The following CDC42BPA variants were observed in gnomAD, a reference collection of about 807,000 sequenced individuals.
CDC42BPA encodes the protein serine/threonine-protein kinase MRCK alpha.
In CDC42BPA, 80 loss-of-function variants were observed where a neutral mutation model predicts 223.5. The ratio of observed to expected loss-of-function variants is 0.36; its 90% confidence interval spans 0.30 to 0.43. CDC42BPA has a LOEUF of 0.43. Ranked by LOEUF, CDC42BPA falls within the 20% of genes least tolerant of loss-of-function variation. The pLI is 1.00. For missense variants in CDC42BPA, 1,743 were observed against 2,099.9 expected, an observed-to-expected ratio of 0.83 and a Z score of 3.32; for synonymous variants, 694 against 718.6, an observed-to-expected ratio of 0.97 and a Z score of 0.55.
At chr1:227,231,297 T>G (rs1306201004) in intron 2 of CDC42BPA, among the ~76,000 whole-genome samples, 1 of 152,074 alleles carries the variant, frequency 6.6e-6, no homozygotes, top group Non-Finnish European at 1.5e-5. Flanking sequence ...TCCACGTCCC[T>G]ACAAAGGACA....
At chr1:227,151,288 T>C (rs527496924) in intron 6 of CDC42BPA, among the ~76,000 whole-genome samples, 1 of 152,356 alleles carries the variant, frequency 6.6e-6, no homozygotes, top group East Asian at 1.9e-4. Context: ...TTCATTAACA[T>C]AATGTCCTAA....
chr1:227,240,924 A>G (rs1490614508), intron 2 of CDC42BPA, among the ~76,000 whole-genome samples: 6 of 152,062 alleles, frequency 3.9e-5, no homozygotes, highest in African/African-American at 1.4e-4. Flanking sequence ...TCTAAACGAT[A>G]ATTTTTTTAA....
intron 2 of CDC42BPA, among the ~76,000 whole-genome samples, chr1:227,227,500 A>C (rs79369385): frequency 0.098 from 14,964 of 152,306 alleles, 873 homozygotes; most frequent in Middle Eastern, 0.17. Flanking sequence ...AGATACATTG[A>C]ATTACTTTCC....
At chr1:227,052,351 C>A (rs759989903) in intron 21 of CDC42BPA, among the ~76,000 whole-genome samples, 1 of 152,046 alleles carries the variant, frequency 6.6e-6, no homozygotes, top group African/African-American at 2.4e-5. Flanking sequence ...GAGATACATA[C>A]GGCAGATTAA....
At chr1:227,173,313 G>A (rs1666410709) in intron 5 of CDC42BPA, among the ~76,000 whole-genome samples, 1 of 152,150 alleles carries the variant, frequency 6.6e-6, no homozygotes, top group African/African-American at 2.4e-5. Flanking sequence ...TCTGTATAGT[G>A]AAGGCCTAAT....
chr1:227,034,869 G>T, intron 25 of CDC42BPA, 75 bp from the exon 26 acceptor site: 33 of 1,294,658 alleles, frequency 2.5e-5, no homozygotes, highest in Non-Finnish European at 3.4e-5. Flanking sequence ...ATATGTAATT[G>T]CATGGTGAAG....
At chr1:227,080,627 T>C (rs1181720645) in intron 17 of CDC42BPA, among the ~76,000 whole-genome samples, 1 of 152,190 alleles carries the variant, frequency 6.6e-6, no homozygotes. Flanking sequence ...GGTAACATTT[T>C]CTTAGAAAGT....
At chr1:227,112,158 G>A (rs762742939) in intron 14 of CDC42BPA, 154 bp downstream of exon 14, 3 of 442,416 alleles carry the variant, frequency 6.8e-6, no homozygotes, top group African/African-American at 2.0e-5. Flanking sequence ...ATCTGTATTA[G>A]CTTCCTACTG....
intron 9 of CDC42BPA, among the ~76,000 whole-genome samples, chr1:227,142,190 A>G (rs531032641): frequency 1.3e-5 from 2 of 152,348 alleles, no homozygotes; most frequent in South Asian, 2.1e-4. Flanking sequence ...CAAAACAAAT[A>G]TAACAGAATG....
At chr1:227,235,331 C>T (rs1467978921) in intron 2 of CDC42BPA, 1 of 152,192 alleles carries the variant, frequency 6.6e-6, no homozygotes, top group Non-Finnish European at 1.5e-5. Flanking sequence ...AGAAATCTCA[C>T]ACACTGATCA....
chr1:227,230,179 G>C (rs921928386), intron 2 of CDC42BPA, among the ~76,000 whole-genome samples: 2 of 152,206 alleles, frequency 1.3e-5, no homozygotes, highest in African/African-American at 4.8e-5. Flanking sequence ...GCCTGAAAGA[G>C]AAAGGTAGGG....
At chr1:227,013,587 TA>T (rs977256503) in intron 34 of CDC42BPA, among the ~76,000 whole-genome samples, 3 of 152,130 alleles carry the variant, frequency 2.0e-5, no homozygotes, top group Non-Finnish European at 4.4e-5. Context: ...AGAAGGATAC[TA>T]AGCAGAGTAA....
chr1:227,235,669 C>T (rs574701945), intron 2 of CDC42BPA, among the ~76,000 whole-genome samples: 9 of 152,208 alleles, frequency 5.9e-5, no homozygotes, highest in Admixed American at 2.6e-4. Context: ...TGATTTTCAC[C>T]GCTGACAAGG....
At chr1:227,141,592 C>G (rs979517870) in intron 9 of CDC42BPA, among the ~76,000 whole-genome samples, 1 of 152,116 alleles carries the variant, frequency 6.6e-6, no homozygotes, top group Non-Finnish European at 1.5e-5. Context: ...TGCCTCAATC[C>G]TTTCAGTGAA....
chr1:227,245,040 C>T (rs748541919), intron 2 of CDC42BPA, among the ~76,000 whole-genome samples: 2 of 152,176 alleles, frequency 1.3e-5, no homozygotes, highest in Non-Finnish European at 2.9e-5. Context: ...ATCACCACTG[C>T]AGGCTGAAGT....
At chr1:227,174,650 G>A (rs909001112) in intron 5 of CDC42BPA, among the ~76,000 whole-genome samples, 28 of 152,074 alleles carry the variant, frequency 1.8e-4, no homozygotes, top group Admixed American at 1.8e-3. Context: ...AATAAAAGCT[G>A]TAATCAAAAA....
At chr1:227,268,560 T>C (rs1300074701) in intron 1 of CDC42BPA, among the ~76,000 whole-genome samples, 2 of 148,426 alleles carry the variant, frequency 1.3e-5, no homozygotes, top group Non-Finnish European at 1.5e-5. Context: ...TATACTTTTT[T>C]CTGTATATAT....
In CDC42BPA at chr1:227,119,884, G is replaced by C. The variant is rs771241360; in HGVS notation, c.1567C>G (p.Leu523Val). Residue 523 changes from leucine (L) to valine (V), a missense_variant, in exon 12 of 37, where the codon CTA becomes GTA. Coordinates refer to ENST00000366766, the MANE Select transcript of CDC42BPA (RefSeq NM_001394014.1). Reference protein sequence around the residue: ...LEEANAVRQELDDAFRQIKAY... With the variant: ...LEEANAVRQEVDDAFRQIKAY... Reference sequence around the variant, plus strand: ...TTGATTTGTCTAAAAGCATCATCTAGTTCTTGCCTCACAGCATTAGCTTCT... The same window carrying C: ...TTGATTTGTCTAAAAGCATCATCTACTTCTTGCCTCACAGCATTAGCTTCT... 2 of 1,602,894 alleles carry C rather than the reference G, an allele frequency of 1.2e-6. No individual in the cohort carries two copies. The highest frequency in any genetic ancestry group is 1.7e-6 in the Non-Finnish European group (2 of 1,174,386).
chr1:227,134,825 C>G (rs1369113294), intron 10 of CDC42BPA, among the ~76,000 whole-genome samples: 1 of 151,920 alleles, frequency 6.6e-6, no homozygotes, highest in African/African-American at 2.4e-5. Flanking sequence ...TTAAAGAATT[C>G]AAAACATTTA....
Sources: allele counts gnomAD v4.1 joint callset (sites outside exome capture counted in the v4.1 genomes callset), GRCh38; gene constraint gnomAD v4.1.1; transcripts MANE v1.5; gene names NCBI Gene and HGNC (gene_info 2026-07-23, HGNC 2026-07-21).